MBTD1: variants seen among roughly 807,000 people sequenced by gnomAD.
MBTD1 encodes the protein MBT domain-containing protein 1.
Under a neutral mutation model 87.8 loss-of-function variants are expected in MBTD1, and 24 were observed. The observed-to-expected ratio is 0.27, with a 90% confidence interval of 0.20 to 0.38. The LOEUF is 0.38. Among genes scored for constraint, MBTD1 ranks in the 10% least tolerant of loss-of-function variants. The pLI is 1.00. For missense variants in MBTD1, 436 were observed against 760.2 expected (o/e 0.57, Z 5.02); for synonymous variants, 237 against 248.6 (o/e 0.95, Z 0.44).
chr17:51,196,281 TG>T (rs1187740613), intron 12 of MBTD1, among the ~76,000 whole-genome samples: 2 of 148,680 alleles, frequency 1.3e-5, no homozygotes, highest in East Asian at 4.1e-4. Flanking sequence ...TGGAGTGCAA[TG>T]GGTCAATCTC....
At chr17:51,205,964 G>A (rs1013680218) in intron 7 of MBTD1, among the ~76,000 whole-genome samples, 5 of 152,236 alleles carry the variant, frequency 3.3e-5, no homozygotes, top group African/African-American at 1.2e-4. Context: ...CTTTTCTTAT[G>A]AGTGGCTGCC....
At chr17:51,259,657 G>T (rs550147229) in intron 1 of MBTD1, among the ~76,000 whole-genome samples, 178 bp downstream of exon 1, 1 of 143,038 alleles carries the variant, frequency 7.0e-6, no homozygotes, top group African/African-American at 2.5e-5. Flanking sequence ...GGGGGGAGGG[G>T]AACCCCTGAA....
chr17:51,225,336 TCTTTC>T, intron 2 of MBTD1, 127 bp from the exon 3 acceptor site: 1 of 468,094 alleles, frequency 2.1e-6, no homozygotes, highest in Non-Finnish European at 3.6e-6. Flanking sequence ...ATAACCATTT[TCTTTC>T]TTTTTTTTTT....
chr17:51,180,601 T>G lies in MBTD1; in HGVS notation c.1862A>C (p.Asn621Thr). The change falls in exon 17 of 17, where the codon AAC becomes ACC. Residue 621 changes from asparagine to threonine, a missense_variant. Physicochemically the swap from Asn to Thr is moderately conservative, Grantham distance 65. Coordinates refer to ENST00000586178, the MANE Select transcript of MBTD1 (RefSeq NM_017643.3). ...ASDQESNGSA[N>T]FYIKQEP ...TCATGGCTCTTGTTTGATGTAGAAG[T>G]TGGCAGAGCCATTGCTTTCCTGATC... 1 of 1,549,758 alleles carries G rather than the reference T, an allele frequency of 6.5e-7. No individual in the cohort carries two copies. The highest frequency in any genetic ancestry group is 8.7e-7 in the Non-Finnish European group (1 of 1,145,208).
rs758393898 is a variant in MBTD1, at chr17:51,192,164, C to T, written c.1768+39G>A. Reference sequence around the variant, plus strand: ...GAATACTGTGACTCCAATTAGTTAACAATTAGAAAATGTATGTGAACACCA... The same window carrying T: ...GAATACTGTGACTCCAATTAGTTAATAATTAGAAAATGTATGTGAACACCA... On this transcript the variant is annotated intron_variant, in intron 16 of 16. Coordinates refer to ENST00000586178, the MANE Select transcript of MBTD1 (RefSeq NM_017643.3). The T allele has an allele frequency of 5.2e-6, 7 of 1,358,988 alleles. No homozygotes were observed. In the South Asian group the frequency reaches 8.8e-5, roughly 17 times the overall value. 84.2% of individuals were successfully genotyped at this position (1,358,988 alleles called of 1,614,324 possible).
intron 2 of MBTD1, among the ~76,000 whole-genome samples, chr17:51,233,889 C>T (rs2053676405): frequency 6.6e-6 from 1 of 151,974 alleles, no homozygotes; most frequent in African/African-American, 2.4e-5. Flanking sequence ...CAAGACTGAT[C>T]AATGTATTGC....
chr17:51,259,480 C>T (rs979876128), intron 1 of MBTD1, among the ~76,000 whole-genome samples: 1 of 152,286 alleles, frequency 6.6e-6, no homozygotes, highest in Middle Eastern at 3.4e-3. Flanking sequence ...CTACTCCACT[C>T]TCCCACCCTG....
intron 12 of MBTD1, among the ~76,000 whole-genome samples, chr17:51,197,846 T>C (rs961217918): frequency 3.9e-5 from 6 of 152,216 alleles, no homozygotes; most frequent in Admixed American, 6.5e-5. Context: ...TAGTCTCTTA[T>C]CACCTTCTGG....
Position 51,259,894 on chromosome 17 carries a change from C to T in MBTD1, c.-172G>A. On this transcript the variant is annotated 5_prime_UTR_variant, in exon 1 of 17. Transcript: ENST00000586178. The stretch of plus-strand genomic sequence containing the variant: ...GTAGGGGTTGTCCGTGCTCCCCGAG[C>T]CCGCGGCGCCCCCTCCCCGGGCTGG... The T allele has an allele frequency of 8.1e-6, 10 of 1,231,732 alleles. No homozygotes were observed. The highest frequency in any genetic ancestry group is 1.0e-5 in the Non-Finnish European group (10 of 987,752). 76.3% of individuals were successfully genotyped at this position (1,231,732 alleles called of 1,614,324 possible).
chr17:51,191,676 G>A (rs1257846069), intron 16 of MBTD1: 3 of 152,912 alleles, frequency 2.0e-5, no homozygotes, highest in Non-Finnish European at 1.5e-5. Context: ...CTGCCTCCTG[G>A]GTTCAAGTGA....
intron 6 of MBTD1, among the ~76,000 whole-genome samples, chr17:51,216,160 G>A (rs1443965661): frequency 6.6e-6 from 1 of 151,998 alleles, no homozygotes; most frequent in Non-Finnish European, 1.5e-5. Context: ...TTGAACTCCC[G>A]ACCTCAGGTG....
rs1378860852 is a variant in MBTD1 at position 51,180,654 on chromosome 17, C to T, written c.1809G>A (p.Glu603=). 10 of 1,551,010 alleles carry T rather than the reference C, an allele frequency of 6.4e-6. No homozygotes were observed. Among genetic ancestry groups the T allele is most frequent in the Non-Finnish European group, 8.7e-6 (10 of 1,146,308 alleles). Reference sequence around the variant, plus strand: ...ACGCTCCTTGAAGGAAATTATAATCCTCTCCATCCAGCAACTCCTCCTTCA... The same window carrying T: ...ACGCTCCTTGAAGGAAATTATAATCTTCTCCATCCAGCAACTCCTCCTTCA... The part of the protein sequence containing the change: ...LQLKEELLDG[E]DYNFLQGASD... The change falls in exon 17 of 17, where the codon GAG becomes GAA. Residue 603 remains glutamate (E), a synonymous_variant. Transcript: ENST00000586178.
At chr17:51,183,800 A>G (rs1187909114) in intron 16 of MBTD1, 1 of 152,214 alleles carries the variant, frequency 6.6e-6, no homozygotes, top group African/African-American at 2.4e-5. Context: ...CAATACCTAG[A>G]AAATACACAC....
chr17:51,192,416 G>A, intron 15 of MBTD1, 136 bp from the exon 16 acceptor site: 1 of 677,114 alleles, frequency 1.5e-6, no homozygotes, highest in Non-Finnish European at 2.5e-6. Context: ...GAAAATAAGG[G>A]TACTTGTTCC....
intron 3 of MBTD1, among the ~76,000 whole-genome samples, chr17:51,223,339 C>T (rs778830122): frequency 7.9e-5 from 12 of 151,252 alleles, no homozygotes; most frequent in Non-Finnish European, 1.3e-4. Context: ...TTGAGACCAG[C>T]CTGGGCAATA....
Position 51,206,988 on chromosome 17 carries a change from G to A in MBTD1, c.504C>T (p.Cys168=). The A allele has an allele frequency of 6.2e-7, 1 of 1,610,270 alleles. No individual in the cohort carries two copies. The highest frequency in any genetic ancestry group is 1.1e-5 in the South Asian group (1 of 90,986). ...TCACATTTTCTGAGATATCACCCCAGCAGGTCCCCATAGGTGCCTGTCACA... is the reference window on the plus strand; with the variant it reads ...TCACATTTTCTGAGATATCACCCCAACAGGTCCCCATAGGTGCCTGTCACA... ...TCFKHAPMGT[C]WGDISENVRV... Residue 168 remains cysteine, a synonymous_variant, in exon 7 of 17, where the codon TGC becomes TGT. Transcript: ENST00000586178.
chr17:51,208,633 C>T (rs1372390564), intron 6 of MBTD1, among the ~76,000 whole-genome samples: 1 of 152,136 alleles, frequency 6.6e-6, no homozygotes, highest in Admixed American at 6.6e-5. Context: ...GTGCAGCATC[C>T]ATCCCTCTGT....
intron 16 of MBTD1, among the ~76,000 whole-genome samples, chr17:51,182,559 A>G (rs2050363792): frequency 6.6e-6 from 1 of 152,202 alleles, no homozygotes; most frequent in South Asian, 2.1e-4. Context: ...GATCAATGGG[A>G]ACTGACTGGC....
intron 2 of MBTD1, among the ~76,000 whole-genome samples, chr17:51,240,527 C>T (rs2054104471): frequency 6.6e-6 from 1 of 152,102 alleles, no homozygotes; most frequent in African/African-American, 2.4e-5. Flanking sequence ...TCTTCATTAT[C>T]AGGCTGGGGT....
Sources: allele counts gnomAD v4.1 joint callset (sites outside exome capture counted in the v4.1 genomes callset), GRCh38; gene constraint gnomAD v4.1.1; transcripts MANE v1.5; gene names NCBI Gene and HGNC (gene_info 2026-07-23, HGNC 2026-07-21).